NLGN4X: variants seen among roughly 807,000 people sequenced by gnomAD.
The protein encoded by NLGN4X is neuroligin 4 X-linked.
NLGN4X carries 3 observed loss-of-function variants against 40.3 expected under a neutral mutation model. That is an observed-to-expected ratio of 0.07 (90% CI 0.03 to 0.19). The LOEUF is 0.19. Ranked by LOEUF, NLGN4X falls within the 10% of genes least tolerant of loss-of-function variation. The pLI is 1.00. For missense variants in NLGN4X, 382 were observed against 708.3 expected, an observed-to-expected ratio of 0.54 and a Z score of 5.23; for synonymous variants, 270 against 306.8, an observed-to-expected ratio of 0.88 and a Z score of 1.25.
intron 2 of NLGN4X, among the ~76,000 whole-genome samples, chrX:6,067,590 A>G (rs957641919): frequency 9.0e-6 from 1 of 111,697 alleles, no homozygotes; most frequent in African/African-American, 3.3e-5. Context: ...ATACCCGGTC[A>G]TGGCATGTTT....
chrX:5,985,057 G>C (rs1198893065), intron 3 of NLGN4X, among the ~76,000 whole-genome samples: 1 of 111,970 alleles, frequency 8.9e-6, no homozygotes, highest in East Asian at 2.8e-4. Flanking sequence ...CAGCAAGTAG[G>C]TTAGGTCATA....
At chrX:6,207,120 G>A (rs1924108191) in intron 1 of NLGN4X, among the ~76,000 whole-genome samples, 2 of 111,209 alleles carry the variant, frequency 1.8e-5, no homozygotes, top group Admixed American at 1.9e-4. Flanking sequence ...TTGGATGGAT[G>A]GGTGGATGAG....
chrX:6,200,687 C>CTTTTTTTTTTTCTTT lies in NLGN4X; in HGVS notation c.-306+27853_-306+27854insAAAGAAAAAAAAAAA, dbSNP rs1556005144. ...ATGCTTAATTTATTCCTTTCCTTTT[C>CTTTTTTTTTTTCTTT]TTTTTTTTTTTTTTTTTTTTACAAG... On this transcript the variant is annotated intron_variant, in intron 1 of 5. Transcript: ENST00000381095. 1.0e-3 allele frequency among the ~76,000 whole-genome samples: 56 copies of CTTTTTTTTTTTCTTT among 55,551 alleles called. 1 individual carries two copies. The highest frequency in any genetic ancestry group is 1.9e-3 in the African/African-American group (22 of 11,510). The allele number at this position is 55,551 out of a possible 115,157, so 48.2% of individuals were successfully genotyped here. A position where few individuals can be genotyped will look rare whatever the true frequency, so the allele number is the denominator to read the frequency against.
At chrX:6,205,987 C>T (rs775659521) in intron 1 of NLGN4X, among the ~76,000 whole-genome samples, 20 of 111,688 alleles carry the variant, frequency 1.8e-4, no homozygotes, top group Non-Finnish European at 2.8e-4. Context: ...TCAAGTCAAG[C>T]GTCTTAATTA....
intron 3 of NLGN4X, among the ~76,000 whole-genome samples, chrX:5,964,767 C>T (rs1219746165): frequency 8.9e-6 from 1 of 111,883 alleles, no homozygotes; most frequent in Non-Finnish European, 1.9e-5. Flanking sequence ...GATCCTCCTG[C>T]CTTGGCCTCC....
intron 3 of NLGN4X, among the ~76,000 whole-genome samples, chrX:5,941,685 C>T (rs763877971): frequency 8.9e-6 from 1 of 112,097 alleles, no homozygotes; most frequent in Non-Finnish European, 1.9e-5. Flanking sequence ...AAAATGAATG[C>T]ACCTTTCACT....
In NLGN4X at chrX:5,893,432, C is replaced by T. The variant is rs1183929383; in HGVS notation, c.1836G>A (p.Lys612=). 8 of 1,209,750 alleles carry T rather than the reference C, an allele frequency of 6.6e-6. No individual in the cohort carries two copies. The highest frequency in any genetic ancestry group is 8.9e-6 in the Non-Finnish European group (8 of 894,882). ...EIFQYVSTTT[K]VPPPDMTSFP... is the part of the protein sequence containing the mutation. The stretch of plus-strand genomic sequence containing the variant: ...ATGATGTCATGTCTGGTGGAGGAAC[C>T]TTTGTGGTTGTTGAAACATACTGGA... The change falls in exon 6 of 6, where the codon AAG becomes AAA. Residue 612 remains lysine (K), a synonymous_variant. Coordinates refer to ENST00000381095, the MANE Select transcript of NLGN4X (RefSeq NM_181332.3).
intron 3 of NLGN4X, among the ~76,000 whole-genome samples, chrX:5,931,195 A>T (rs1467840829): frequency 8.9e-6 from 1 of 112,088 alleles, no homozygotes; most frequent in Non-Finnish European, 1.9e-5. Flanking sequence ...TCATATTGCA[A>T]TAAAAAATAC....
rs747105471 is a variant in NLGN4X, at chrX:5,893,089, C to T, written c.2179G>A (p.Glu727Lys). The change falls in exon 6 of 6, where the codon GAA becomes AAA. Residue 727 changes from glutamate (E) to lysine (K), a missense_variant. This residue lies in a region of NLGN4X where 149 missense variants were observed against 375.8 expected (regional missense o/e 0.40). Transcript: ENST00000381095. The part of the protein sequence containing the change: ...TTNDIAHIQN[E>K]EIMSLQMKQL... ...TTCATCTGCAGAGACATGATCTCTT[C>T]GTTCTGGATGTGAGCGATATCATTT... is the stretch of plus-strand genomic sequence containing the variant. 6 of 1,211,287 alleles carry T rather than the reference C, an allele frequency of 5.0e-6. No individual in the cohort carries two copies. Among genetic ancestry groups the T allele is most frequent in the Admixed American group, 4.4e-5 (2 of 45,961 alleles).
intron 1 of NLGN4X, among the ~76,000 whole-genome samples, chrX:6,179,432 C>CA (rs1279796035): frequency 3.6e-5 from 4 of 112,100 alleles, no homozygotes; most frequent in African/African-American, 1.3e-4. Flanking sequence ...GAGTTTTCTA[C>CA]AATATCAACC....
In NLGN4X at chrX:5,893,483, A is replaced by T. The variant is rs149203337; in HGVS notation, c.1785T>A (p.Pro595=). The change falls in exon 6 of 6, where the codon CCT becomes CCA. Residue 595 remains proline, a synonymous_variant. Transcript: ENST00000381095. The stretch of plus-strand genomic sequence containing the variant: ...ATATCTCGTTCAAGTTGTGCAAATG[A>T]GGAACGAGTTCCAACCAGAAAGCCA... ...TKVAFWLELV[P]HLHNLNEIFQ... 5.3e-5 allele frequency: 63 copies of T among 1,182,782 alleles called. No individual in the cohort carries two copies. The African/African-American group carries it at 6.1e-4, about 11-fold the overall frequency.
intron 4 of NLGN4X, among the ~76,000 whole-genome samples, chrX:5,907,634 C>T (rs2032259308): frequency 9.0e-6 from 1 of 111,195 alleles, no homozygotes; most frequent in Admixed American, 9.6e-5. Context: ...ACTTTGCCAA[C>T]ATCAGCTTTT....
At chrX:6,136,862 G>T (rs1357799641) in intron 2 of NLGN4X, among the ~76,000 whole-genome samples, 4 of 112,167 alleles carry the variant, frequency 3.6e-5, no homozygotes, top group Non-Finnish European at 7.5e-5. Context: ...ATAGCCTAAA[G>T]GCTAAAAATG....
At chrX:6,106,398 A>C (rs2039034058) in intron 2 of NLGN4X, among the ~76,000 whole-genome samples, 2 of 111,845 alleles carry the variant, frequency 1.8e-5, no homozygotes, top group African/African-American at 6.5e-5. Context: ...AAATCCATGC[A>C]TACTGTATGG....
chrX:5,991,295 C>A (rs1219218777), intron 3 of NLGN4X: 2 of 314,731 alleles, frequency 6.4e-6, no homozygotes, highest in Admixed American at 1.0e-4. Context: ...AGACATTGTT[C>A]TTCTTAGGGG....
At chrX:6,228,299 C>A (rs1049059433) in intron 1 of NLGN4X, among the ~76,000 whole-genome samples, 1 of 111,176 alleles carries the variant, frequency 9.0e-6, no homozygotes, top group East Asian at 2.8e-4. Flanking sequence ...ATGTAAAAAC[C>A]GTATGAAGGT....
chrX:6,214,524 G>A (rs1289230043), intron 1 of NLGN4X, among the ~76,000 whole-genome samples: 1 of 111,592 alleles, frequency 9.0e-6, no homozygotes, highest in African/African-American at 3.3e-5. Context: ...TCTAATGAAG[G>A]TAGATGTTTC....
At chrX:6,138,264 T>C (rs983059288) in intron 2 of NLGN4X, among the ~76,000 whole-genome samples, 5 of 112,159 alleles carry the variant, frequency 4.5e-5, no homozygotes, top group Admixed American at 1.9e-4. Context: ...ACTCTGGGTA[T>C]ATTCATAACC....
intron 1 of NLGN4X, among the ~76,000 whole-genome samples, chrX:6,198,981 T>A (rs1490915169): frequency 4.5e-5 from 5 of 112,096 alleles, no homozygotes; most frequent in South Asian, 3.7e-4. Flanking sequence ...ATTTATTGAA[T>A]TTTCTTTTGA....
Sources: allele counts gnomAD v4.1 joint callset (sites outside exome capture counted in the v4.1 genomes callset), GRCh38; gene constraint gnomAD v4.1.1; regional missense constraint gnomAD v4.1.1; transcripts MANE v1.5; gene names NCBI Gene and HGNC (gene_info 2026-07-23, HGNC 2026-07-21).